DPYD: variants seen among roughly 807,000 people sequenced by gnomAD.
DPYD encodes dihydropyrimidine dehydrogenase [NADP(+)].
In DPYD, 109 loss-of-function variants were observed where a neutral mutation model predicts 116.2. That is an observed-to-expected ratio of 0.94 (90% CI 0.80 to 1.10). The LOEUF is 1.10. Among genes scored for constraint, DPYD ranks in the 50% least tolerant of loss-of-function variants. The pLI, the probability that DPYD is intolerant of heterozygous loss-of-function variation, is 0.00. For missense variants in DPYD, 1,302 were observed against 1,254.5 expected (o/e 1.04, Z -0.57); for synonymous variants, 440 against 432.0 (o/e 1.02, Z -0.23).
At chr1:97,206,687 T>TAAAA (rs1553233605) in intron 19 of DPYD, among the ~76,000 whole-genome samples, 5 of 71,582 alleles carry the variant, frequency 7.0e-5, no homozygotes, top group Admixed American at 1.8e-4. Context: ...TATATATATA[T>TAAAA]AATCTATATG....
At chr1:97,872,676 T>A (rs1319132803) in intron 2 of DPYD, among the ~76,000 whole-genome samples, 1 of 151,966 alleles carries the variant, frequency 6.6e-6, no homozygotes, top group East Asian at 1.9e-4. Flanking sequence ...AACTCTAAAT[T>A]ACAGCATATC....
At chr1:97,255,400 T>C (rs1663382460) in intron 18 of DPYD, among the ~76,000 whole-genome samples, 1 of 152,150 alleles carries the variant, frequency 6.6e-6, no homozygotes, top group African/African-American at 2.4e-5. Flanking sequence ...AGGGACCCAG[T>C]GGGAGGTAAT....
At chr1:97,087,767 G>A (rs1202451349) in intron 21 of DPYD, among the ~76,000 whole-genome samples, 1 of 152,110 alleles carries the variant, frequency 6.6e-6, no homozygotes, top group East Asian at 1.9e-4. Context: ...GGTATCTTAG[G>A]TTTTAACTCT....
chr1:97,152,031 C>A (rs1325762403), intron 20 of DPYD, among the ~76,000 whole-genome samples: 1 of 152,060 alleles, frequency 6.6e-6, no homozygotes, highest in East Asian at 1.9e-4. Flanking sequence ...AAAAATTAAC[C>A]TTTTCTAGGC....
chr1:97,693,065 C>T (rs575829686), intron 6 of DPYD, among the ~76,000 whole-genome samples: 68 of 151,756 alleles, frequency 4.5e-4, no homozygotes, highest in African/African-American at 1.6e-3. Flanking sequence ...CCGAGGCCAG[C>T]GGATCACGAG....
intron 20 of DPYD, among the ~76,000 whole-genome samples, chr1:97,159,013 T>A (rs903543438): frequency 5.3e-5 from 8 of 152,072 alleles, no homozygotes; most frequent in Non-Finnish European, 2.9e-5. Flanking sequence ...ATGTATCATT[T>A]ACACAGTCCA....
chr1:97,292,525 C>G (rs1017514344), intron 18 of DPYD, among the ~76,000 whole-genome samples: 4 of 152,114 alleles, frequency 2.6e-5, no homozygotes, highest in Non-Finnish European at 4.4e-5. Context: ...CCATTGGGTC[C>G]CTCCCATGAC....
chr1:97,608,178 C>T (rs1269079481), intron 8 of DPYD, among the ~76,000 whole-genome samples: 2 of 151,798 alleles, frequency 1.3e-5, no homozygotes, highest in Non-Finnish European at 2.9e-5. Flanking sequence ...AGAATATATT[C>T]GCACTGGAGC....
chr1:97,379,874 A>T (rs1239269984), intron 15 of DPYD, among the ~76,000 whole-genome samples: 2 of 152,166 alleles, frequency 1.3e-5, no homozygotes, highest in African/African-American at 4.8e-5. Flanking sequence ...TGATTCTATC[A>T]TCTTGTGAAA....
intron 11 of DPYD, among the ~76,000 whole-genome samples, chr1:97,555,175 G>C (rs557051942): frequency 6.6e-6 from 1 of 152,026 alleles, no homozygotes; most frequent in East Asian, 1.9e-4. Context: ...TTTTTGATTT[G>C]CAGAATGCTC....
At chr1:97,427,065 T>C (rs571598635) in intron 14 of DPYD, among the ~76,000 whole-genome samples, 13 of 152,254 alleles carry the variant, frequency 8.5e-5, no homozygotes, top group African/African-American at 3.1e-4. Context: ...TATGAACCTA[T>C]AGTATTTCTT....
At chr1:97,175,635 G>A (rs1657194655) in intron 20 of DPYD, among the ~76,000 whole-genome samples, 1 of 152,022 alleles carries the variant, frequency 6.6e-6, no homozygotes, top group Admixed American at 6.6e-5. Context: ...CAAGGGAGTG[G>A]GTCTAGAGAA....
rs529642009 is a variant in DPYD, at chr1:97,376,387, CACTG to C, written c.1975-2747_1975-2744del. ...TCACCTGTTCAATATAAAATTTTTTCACTGACTAATTATTATAATTTCCCCAACA... is the reference window on the plus strand; with the variant it reads ...TCACCTGTTCAATATAAAATTTTTTCACTAATTATTATAATTTCCCCAACA... On this transcript the variant is annotated intron_variant, in intron 15 of 22. Transcript: ENST00000370192. Among the ~76,000 whole-genome samples, 51 of 152,094 alleles carry C rather than the reference CACTG, an allele frequency of 3.4e-4. No individual in the cohort carries two copies. In the South Asian group the frequency reaches 8.9e-3, roughly 27 times the overall value.
At chr1:97,268,328 G>A (rs1022452700) in intron 18 of DPYD, among the ~76,000 whole-genome samples, 2 of 152,070 alleles carry the variant, frequency 1.3e-5, no homozygotes, top group Non-Finnish European at 2.9e-5. Flanking sequence ...GGGGTCCAGG[G>A]ACTGCCTCAC....
At chr1:97,698,508 T>G (rs1414377231) in intron 6 of DPYD, among the ~76,000 whole-genome samples, 8 of 151,900 alleles carry the variant, frequency 5.3e-5, no homozygotes, top group Admixed American at 5.3e-4. Context: ...CTGTGATTAT[T>G]GGGTATGATT....
At chr1:97,219,766 G>C (rs1246825770) in intron 19 of DPYD, among the ~76,000 whole-genome samples, 1 of 152,140 alleles carries the variant, frequency 6.6e-6, no homozygotes, top group African/African-American at 2.4e-5. Flanking sequence ...GTGTGGTGTT[G>C]GCCTGTGAAA....
intron 13 of DPYD, among the ~76,000 whole-genome samples, chr1:97,462,757 T>C (rs1171416062): frequency 1.3e-5 from 2 of 152,244 alleles, no homozygotes; most frequent in African/African-American, 4.8e-5. Context: ...CAAAGTTGTC[T>C]CTTGTGGGGA....
At chr1:97,653,407 C>T (rs1233803266) in intron 8 of DPYD, among the ~76,000 whole-genome samples, 1 of 151,384 alleles carries the variant, frequency 6.6e-6, no homozygotes, top group Admixed American at 6.6e-5. Context: ...CGGGTTCAAG[C>T]GATTCTCCTG....
chr1:97,383,873 C>T (rs1004829749), intron 14 of DPYD, among the ~76,000 whole-genome samples: 3 of 152,082 alleles, frequency 2.0e-5, no homozygotes, highest in Admixed American at 2.0e-4. Context: ...TTTGGGAGGC[C>T]AAAGCAGGAA....
Sources: gnomAD v4.1 joint callset for allele counts (sites outside exome capture counted in the v4.1 genomes callset) on GRCh38, gnomAD v4.1.1 for gene constraint, MANE v1.5 for transcripts, NCBI Gene and HGNC (gene_info 2026-07-23, HGNC 2026-07-21) for gene names.